The following BCAR3 variants were observed in gnomAD, a reference collection of about 807,000 sequenced individuals.
BCAR3 encodes breast cancer anti-estrogen resistance protein 3.
Under a neutral mutation model 80.1 loss-of-function variants are expected in BCAR3, and 37 were observed. The ratio of observed to expected loss-of-function variants is 0.46; its 90% CI spans 0.36 to 0.61. The LOEUF (loss-of-function observed/expected upper bound fraction) is 0.61, where lower values mean the gene tolerates loss of function less well. Among genes scored for constraint, BCAR3 ranks in the 20% least tolerant of loss-of-function variants. The pLI is 0.00. For synonymous variants in BCAR3, 389 were observed against 418.9 expected, an observed-to-expected ratio of 0.93 and a Z score of 0.87; for missense variants, 978 against 1,068.2, an observed-to-expected ratio of 0.92 and a Z score of 1.18.
rs775750470 is a variant in BCAR3 at position 93,582,261 on chromosome 1, C to T, written c.1686+40G>A. 11 of 1,585,100 alleles carry T rather than the reference C, an allele frequency of 6.9e-6. No homozygotes were observed. In the East Asian group the frequency reaches 2.2e-4, roughly 32 times the overall value. Reference sequence around the variant, plus strand: ...CCGGGACCCCTAGCTCTTACCAAACCTTGAAAAGCCAGAGGAGCACCAGGA... The same window carrying T: ...CCGGGACCCCTAGCTCTTACCAAACTTTGAAAAGCCAGAGGAGCACCAGGA... On this transcript the variant is annotated intron_variant, in intron 7 of 11. Transcript: ENST00000260502.
intron 2 of BCAR3, among the ~76,000 whole-genome samples, chr1:93,770,897 G>T (rs565868780): frequency 1.3e-5 from 2 of 152,066 alleles, no homozygotes; most frequent in Non-Finnish European, 2.9e-5. Context: ...TGCAAGTGGT[G>T]TCATCTCTCA....
At chr1:93,845,502 A>ATATATATATATATATATCTC in intron 2 of BCAR3, 1 of 113,822 alleles carries the variant, frequency 8.8e-6, no homozygotes, top group Non-Finnish European at 1.8e-5. Context: ...ATATATATAT[A>ATATATATATATATATATCTC]AAACTTTGTT....
At chr1:93,615,845 A>G (rs1353987040) in intron 3 of BCAR3, among the ~76,000 whole-genome samples, 1 of 152,090 alleles carries the variant, frequency 6.6e-6, no homozygotes. Context: ...TGGAGAGCAA[A>G]TAACGATTCC....
At chr1:93,577,818 C>G (rs1350604868) in intron 7 of BCAR3, among the ~76,000 whole-genome samples, 1 of 152,198 alleles carries the variant, frequency 6.6e-6, no homozygotes, top group Non-Finnish European at 1.5e-5. Context: ...GTGATTGATT[C>G]AGGTTTGCTC....
intron 2 of BCAR3, among the ~76,000 whole-genome samples, chr1:93,784,596 C>A (rs1487861650): frequency 6.6e-6 from 1 of 152,230 alleles, no homozygotes; most frequent in Non-Finnish European, 1.5e-5. Context: ...ACTGTCCTTT[C>A]TGTGCAGGCT....
At chr1:93,717,378 A>C (rs966600968) in intron 2 of BCAR3, among the ~76,000 whole-genome samples, 1 of 152,234 alleles carries the variant, frequency 6.6e-6, no homozygotes, top group Non-Finnish European at 1.5e-5. Context: ...TTTTTTAAGC[A>C]GCAAAAGTTA....
At chr1:93,800,684 G>A (rs1277355730) in intron 2 of BCAR3, among the ~76,000 whole-genome samples, 2 of 152,038 alleles carry the variant, frequency 1.3e-5, no homozygotes, top group Non-Finnish European at 2.9e-5. Flanking sequence ...TGAATTTTCT[G>A]ATTTATAATT....
Position 93,584,107 on chromosome 1 carries a change from C to T in BCAR3, c.944G>A (p.Ser315Asn). ...RGNLLRNKEK[S>N]GSQPACLDHM... ...ATCCAGGCAGGCGGGCTGGCTACCA[C>T]TCTTTTCTTTGTTTCTGAAGTAAAA... The change falls in exon 6 of 12, where the codon AGT (serine) becomes AAT (asparagine). Residue 315 changes from serine to asparagine, a missense_variant. Physicochemically the swap from Ser to Asn is conservative, Grantham distance 46 (BLOSUM62 1). Coordinates refer to ENST00000260502, the MANE Select transcript of BCAR3 (RefSeq NM_003567.4). The T allele has an allele frequency of 1.9e-6, 3 of 1,614,012 alleles. No individual in the cohort carries two copies. Among genetic ancestry groups the T allele is most frequent in the East Asian group, 2.2e-5 (1 of 44,876 alleles).
At chr1:93,796,450 C>G (rs1434059998) in intron 2 of BCAR3, among the ~76,000 whole-genome samples, 1 of 148,184 alleles carries the variant, frequency 6.7e-6, no homozygotes, top group Admixed American at 6.7e-5. Flanking sequence ...TTCTTTGACT[C>G]GGAAAGGGAA....
chr1:93,805,598 A>G (rs1653630765), intron 2 of BCAR3, among the ~76,000 whole-genome samples: 1 of 152,128 alleles, frequency 6.6e-6, no homozygotes, highest in South Asian at 2.1e-4. Context: ...GACCCTCAAC[A>G]AAAAGAATGA....
At chr1:93,572,416 A>G (rs1436903746) in intron 8 of BCAR3, among the ~76,000 whole-genome samples, 12 of 152,370 alleles carry the variant, frequency 7.9e-5, no homozygotes, top group Non-Finnish European at 1.2e-4. Context: ...GGAGGAGGAT[A>G]AAGATTGAAT....
intron 3 of BCAR3, among the ~76,000 whole-genome samples, chr1:93,690,267 A>G (rs1438564442): frequency 2.0e-5 from 3 of 152,170 alleles, no homozygotes; most frequent in African/African-American, 7.2e-5. Flanking sequence ...GCACAAAGGG[A>G]TGCTCCTTTT....
At chr1:93,776,401 C>T (rs1652550564) in intron 2 of BCAR3, among the ~76,000 whole-genome samples, 1 of 152,280 alleles carries the variant, frequency 6.6e-6, no homozygotes, top group East Asian at 1.9e-4. Flanking sequence ...CGGAAATGTA[C>T]TACTGTAAGT....
At chr1:93,744,169 T>C (rs1272965242) in intron 2 of BCAR3, among the ~76,000 whole-genome samples, 1 of 152,198 alleles carries the variant, frequency 6.6e-6, no homozygotes, top group South Asian at 2.1e-4. Flanking sequence ...ACTTTACAGA[T>C]TGGAAAGCCA....
At chr1:93,736,411 TC>T (rs1650972978) in intron 2 of BCAR3, among the ~76,000 whole-genome samples, 1 of 152,212 alleles carries the variant, frequency 6.6e-6, no homozygotes, top group South Asian at 2.1e-4. Flanking sequence ...GGTCTCAAAC[TC>T]CTGACCTCAG....
At position 93,562,242 on chromosome 1, in the gene BCAR3, C is replaced by CA; in HGVS notation, c.2476dup (p.Ter826LeufsTer49). On this transcript the variant is annotated frameshift_variant and stop_lost, in exon 12 of 12. Coordinates refer to ENST00000260502, the MANE Select transcript of BCAR3 (RefSeq NM_003567.4). LOFTEE classifies it high-confidence loss of function. Reference sequence around the variant, plus strand: ...TTCTAAAGGTTCTCTGGAGAGTTATCAAAGCTCTGCCTGCTTTACAGGAGG... The same window carrying CA: ...TTCTAAAGGTTCTCTGGAGAGTTATCAAAAGCTCTGCCTGCTTTACAGGAGG... 6.2e-7 allele frequency: 1 copy of CA among 1,612,728 alleles called. No homozygotes were observed. The highest frequency in any genetic ancestry group is 8.5e-7 in the Non-Finnish European group (1 of 1,179,218).
intron 2 of BCAR3, among the ~76,000 whole-genome samples, chr1:93,802,161 T>A (rs1243698894): frequency 6.6e-6 from 1 of 151,004 alleles, no homozygotes; most frequent in Non-Finnish European, 1.5e-5. Context: ...TTAAAAAAAA[T>A]TAGCCAGGTG....
At chr1:93,665,614 T>C (rs920598285) in intron 2 of BCAR3, among the ~76,000 whole-genome samples, 1 of 152,152 alleles carries the variant, frequency 6.6e-6, no homozygotes, top group Non-Finnish European at 1.5e-5. Flanking sequence ...ATGGCTTTAA[T>C]TTCACTTCTG....
intron 2 of BCAR3, among the ~76,000 whole-genome samples, chr1:93,720,465 G>A (rs561820753): frequency 6.6e-6 from 1 of 152,296 alleles, no homozygotes; most frequent in Admixed American, 6.5e-5. Context: ...ACAGGGGCCT[G>A]CAGGAGCATT....
Sources: allele counts gnomAD v4.1 joint callset (sites outside exome capture counted in the v4.1 genomes callset), GRCh38; gene constraint gnomAD v4.1.1; transcripts MANE v1.5; gene names NCBI Gene and HGNC (gene_info 2026-07-23, HGNC 2026-07-21).